The following KCNH7 variants were observed in gnomAD, a reference collection of about 807,000 sequenced individuals.
KCNH7 encodes voltage-gated inwardly rectifying potassium channel KCNH7.
Under a neutral mutation model 120.8 loss-of-function variants are expected in KCNH7, and 49 were observed. That is an observed-to-expected ratio of 0.41 (90% confidence interval 0.32 to 0.51). The LOEUF is 0.51. Among genes scored for constraint, KCNH7 ranks in the 20% least tolerant of loss-of-function variants. The pLI is 0.38. For synonymous variants in KCNH7, 547 were observed against 516.1 expected, an observed-to-expected ratio of 1.06 and a Z score of -0.81; for missense variants, 1,097 against 1,446.6, an observed-to-expected ratio of 0.76 and a Z score of 3.92.
Position 162,599,591 on chromosome 2 carries a change from A to G in KCNH7, c.308-62511T>C, listed in dbSNP as rs191347663. Reference sequence around the variant, plus strand: ...TTTTATTAATGCTTCCTAACTTTTTATATTTCCTACTCTTGTAATTATTTA... The same window carrying G: ...TTTTATTAATGCTTCCTAACTTTTTGTATTTCCTACTCTTGTAATTATTTA... On this transcript the variant is annotated intron_variant, in intron 2 of 15. Coordinates refer to ENST00000332142, the MANE Select transcript of KCNH7 (RefSeq NM_033272.4). Among the ~76,000 whole-genome samples the G allele has an allele frequency of 5.5e-4, 83 of 151,404 alleles. 2 individuals are homozygous for G. Among genetic ancestry groups the G allele is most frequent in the African/African-American group, 1.9e-3 (78 of 41,372 alleles).
chr2:162,645,159 A>G (rs1263601259), intron 2 of KCNH7, among the ~76,000 whole-genome samples: 2 of 150,788 alleles, frequency 1.3e-5, no homozygotes, highest in African/African-American at 4.9e-5. Context: ...TTATTGAAGC[A>G]TTTTTTTTTA....
chr2:162,766,871 A>G (rs1238128061), intron 2 of KCNH7, among the ~76,000 whole-genome samples: 4 of 101,524 alleles, frequency 3.9e-5, no homozygotes, highest in African/African-American at 8.9e-5. Context: ...CATTACACAC[A>G]CACACACACA....
At chr2:162,588,857 T>A (rs1694110192) in intron 2 of KCNH7, among the ~76,000 whole-genome samples, 1 of 152,062 alleles carries the variant, frequency 6.6e-6, no homozygotes, top group Non-Finnish European at 1.5e-5. Context: ...TTGTGTCCTT[T>A]AACAAAATCC....
At chr2:162,789,726 T>A (rs1553527567) in intron 2 of KCNH7, among the ~76,000 whole-genome samples, 1 of 150,486 alleles carries the variant, frequency 6.6e-6, no homozygotes, top group Non-Finnish European at 1.5e-5. Flanking sequence ...TTAAAAAAAA[T>A]GTTGGAATTA....
chr2:162,776,551 A>T (rs980681853), intron 2 of KCNH7, among the ~76,000 whole-genome samples: 2 of 152,084 alleles, frequency 1.3e-5, no homozygotes. Flanking sequence ...AAAGAAAGAG[A>T]AGGAGAGAAA....
chr2:162,521,189 C>T (rs567600874), intron 3 of KCNH7, among the ~76,000 whole-genome samples: 3 of 151,938 alleles, frequency 2.0e-5, no homozygotes, highest in African/African-American at 7.2e-5. Context: ...AGGGCAGGGC[C>T]CCAGGCTATT....
chr2:162,450,675 C>T (rs866457366), intron 6 of KCNH7, among the ~76,000 whole-genome samples: 4 of 151,830 alleles, frequency 2.6e-5, no homozygotes, highest in Admixed American at 6.6e-5. Context: ...GGACTCGTGG[C>T]CTTCTGAGAA....
chr2:162,607,220 C>CAAA (rs34786286), intron 2 of KCNH7, among the ~76,000 whole-genome samples: 2 of 111,966 alleles, frequency 1.8e-5, no homozygotes, highest in Admixed American at 9.0e-5. Context: ...ACTAAAAATA[C>CAAA]AAAAAAAAAA....
At chr2:162,803,920 T>TAA (rs11348750) in intron 2 of KCNH7, among the ~76,000 whole-genome samples, 80 of 149,560 alleles carry the variant, frequency 5.3e-4, no homozygotes, top group African/African-American at 1.8e-3. Flanking sequence ...TCCAATTGTC[T>TAA]AAAAAAAAAA....
At chr2:162,567,203 T>A (rs1693285717) in intron 2 of KCNH7, among the ~76,000 whole-genome samples, 1 of 152,076 alleles carries the variant, frequency 6.6e-6, no homozygotes, top group African/African-American at 2.4e-5. Context: ...TATTCCAACA[T>A]AACTCTTTAT....
At chr2:162,668,093 G>T (rs1013379549) in intron 2 of KCNH7, among the ~76,000 whole-genome samples, 6 of 152,082 alleles carry the variant, frequency 3.9e-5, no homozygotes, top group Admixed American at 6.6e-5. Flanking sequence ...AGCTCTTATT[G>T]AATTCTTTTA....
At chr2:162,616,888 T>C (rs79663384) in intron 2 of KCNH7, among the ~76,000 whole-genome samples, 6,831 of 152,176 alleles carry the variant, frequency 0.045, 297 homozygotes, top group East Asian at 0.12. Context: ...AGTAGAGAAA[T>C]TGATTTTAAA....
At chr2:162,664,998 T>G (rs1685087196) in intron 2 of KCNH7, among the ~76,000 whole-genome samples, 1 of 152,146 alleles carries the variant, frequency 6.6e-6, no homozygotes. Flanking sequence ...CTCTTGGTCT[T>G]TCTCTACTTC....
chr2:162,647,251 A>T (rs1684394255), intron 2 of KCNH7, among the ~76,000 whole-genome samples: 1 of 152,156 alleles, frequency 6.6e-6, no homozygotes, highest in Non-Finnish European at 1.5e-5. Context: ...AACTAACTCA[A>T]CCAGGGCTCT....
chr2:162,608,019 G>A (rs567777422), intron 2 of KCNH7, among the ~76,000 whole-genome samples: 12 of 152,102 alleles, frequency 7.9e-5, no homozygotes, highest in African/African-American at 2.7e-4. Flanking sequence ...CCTAATAAAC[G>A]TTCCAAATTT....
intron 2 of KCNH7, among the ~76,000 whole-genome samples, chr2:162,773,132 T>A (rs1683115743): frequency 6.6e-6 from 1 of 152,182 alleles, no homozygotes; most frequent in Admixed American, 6.5e-5. Context: ...AACATGGCTG[T>A]ATTTCCTTAA....
Position 162,528,883 on chromosome 2 carries a change from T to C in KCNH7, c.463+8042A>G, listed in dbSNP as rs574049156. ...AGAGATAGTTAAGAGATGTGTTTCA[T>C]AGACTTGGCTAGCCTTTGGTTGGGA... is the stretch of plus-strand genomic sequence containing the variant. On this transcript the variant is annotated intron_variant, in intron 3 of 15. Transcript: ENST00000332142. 1.2e-4 allele frequency among the ~76,000 whole-genome samples: 19 copies of C among 152,112 alleles called. No individual in the cohort carries two copies. The South Asian group carries it at 3.7e-3, about 30-fold the overall frequency.
intron 9 of KCNH7, among the ~76,000 whole-genome samples, chr2:162,402,428 A>G (rs749914840): frequency 6.8e-6 from 1 of 147,048 alleles, no homozygotes; most frequent in African/African-American, 2.5e-5. Context: ...GGCCAAATTT[A>G]GTTCAACTCC....
intron 2 of KCNH7, among the ~76,000 whole-genome samples, chr2:162,643,599 G>C (rs761148810): frequency 2.0e-5 from 3 of 151,946 alleles, no homozygotes; most frequent in Non-Finnish European, 2.9e-5. Context: ...ACAAGGTCAG[G>C]AGATCAAGAC....
Sources: allele counts gnomAD v4.1 joint callset (sites outside exome capture counted in the v4.1 genomes callset), GRCh38; gene constraint gnomAD v4.1.1; transcripts MANE v1.5; gene names NCBI Gene and HGNC (gene_info 2026-07-23, HGNC 2026-07-21).